BRD3: variants seen among roughly 807,000 people sequenced by gnomAD.
BRD3 encodes the protein bromodomain-containing protein 3.
In BRD3, 17 loss-of-function variants were observed where a neutral mutation model predicts 66.8. The ratio of observed to expected loss-of-function variants is 0.25; its 90% CI spans 0.17 to 0.38. BRD3 has a LOEUF of 0.38. Among genes scored for constraint, BRD3 ranks in the 10% least tolerant of loss-of-function variants. The pLI, the probability that BRD3 is intolerant of heterozygous loss-of-function variation, is 1.00. For missense variants in BRD3, 713 were observed against 956.1 expected (o/e 0.75, Z 3.35); for synonymous variants, 421 against 393.2 (o/e 1.07, Z -0.84).
At position 134,045,821 on chromosome 9, in the gene BRD3, A is replaced by T. The variant is rs1375404399; in HGVS notation, c.1087-400T>A. On this transcript the variant is annotated intron_variant, in intron 6 of 11. Transcript: ENST00000303407. The surrounding 1 kb of genome is among the most constrained non-coding windows in gnomAD (Gnocchi z 4.8). ...CCCAGGGGGCGTGAGGCTGCAGCAA[A>T]GTCAGACTCCACCAACAACAGGGGG... 6.6e-6 allele frequency among the ~76,000 whole-genome samples: 1 copy of T among 152,150 alleles called. No individual in the cohort carries two copies. The highest frequency in any genetic ancestry group is 2.4e-5 in the African/African-American group (1 of 41,432).
rs1281167366 is a variant in BRD3 at position 134,030,926 on chromosome 9, A to C, written c.*2664T>G. The C allele has an allele frequency of 8.6e-6, 2 of 231,590 alleles. No homozygotes were observed. The highest frequency in any genetic ancestry group is 1.7e-5 in the Non-Finnish European group (2 of 117,060). 14.3% of individuals were successfully genotyped at this position (231,590 alleles called of 1,614,324 possible). ...AAAAAAGCATGTTAGAAGCTGCCCT[A>C]CAGGTCTCAGCAGTGGGACAATCTA... On this transcript the variant is annotated 3_prime_UTR_variant, in exon 12 of 12. Transcript: ENST00000303407.
At chr9:134,068,385 G>A (rs1817703832), upstream of BRD3, 1 of 150,108 alleles carries the variant, frequency 6.7e-6, no homozygotes, top group African/African-American at 2.4e-5. Flanking sequence ...CGGCATGGAA[G>A]AAGCGGGCAC....
At position 134,067,976 on chromosome 9, in the gene BRD3, C is replaced by T. The variant is rs1178598226; in HGVS notation, c.-145G>A. The T allele has an allele frequency of 1.4e-5, 2 of 145,472 alleles. No individual in the cohort carries two copies. The highest frequency in any genetic ancestry group is 3.1e-5 in the Non-Finnish European group (2 of 65,392). 9.0% of individuals were successfully genotyped at this position (145,472 alleles called of 1,614,324 possible). A position where few individuals can be genotyped will look rare whatever the true frequency, so the allele number is the denominator to read the frequency against. ...TCGCGGCTCCGGCGGCCGTCCCCTC[C>T]CGGCCCGCGCGGCCGGCTCCTCTTT... On this transcript the variant is annotated 5_prime_UTR_variant, in exon 1 of 12. Coordinates refer to ENST00000303407, the MANE Select transcript of BRD3 (RefSeq NM_007371.4).
intron 1 of BRD3, among the ~76,000 whole-genome samples, chr9:134,067,612 G>A (rs1337000597): frequency 6.8e-6 from 1 of 146,334 alleles, no homozygotes; most frequent in South Asian, 2.1e-4. Context: ...CGGGGCGCGC[G>A]GGCCGCGCCA....
intron 7 of BRD3, among the ~76,000 whole-genome samples, chr9:134,043,010 T>C (rs1004920459): frequency 5.9e-5 from 9 of 152,158 alleles, no homozygotes; most frequent in African/African-American, 2.2e-4. Context: ...CGGCTAACTT[T>C]TTGTATTTTT....
At chr9:134,066,102 C>T (rs760010259) in intron 1 of BRD3, among the ~76,000 whole-genome samples, 9 of 152,184 alleles carry the variant, frequency 5.9e-5, no homozygotes, top group Non-Finnish European at 1.3e-4. Context: ...ACTGCCCACT[C>T]GGAGAAAGCT....
In BRD3 at chr9:134,031,327, G is replaced by C. The variant is rs1333568155; in HGVS notation, c.*2263C>G. ...CCTGTGGCTGGAGGGGCATTGCAAG[G>C]AGCGCCCCCCAGCCCCAGGCACCCC... is the stretch of plus-strand genomic sequence containing the variant. On this transcript the variant is annotated 3_prime_UTR_variant, in exon 12 of 12. Coordinates refer to ENST00000303407, the MANE Select transcript of BRD3 (RefSeq NM_007371.4). 1 of 208,984 alleles carries C rather than the reference G, an allele frequency of 4.8e-6. No homozygotes were observed. The highest frequency in any genetic ancestry group is 9.7e-6 in the Non-Finnish European group (1 of 102,612). The allele number at this position is 208,984 out of a possible 1,614,324, so 12.9% of individuals were successfully genotyped here.
chr9:134,032,214 AT>A lies in BRD3; in HGVS notation c.*1375del, dbSNP rs1193706022. The A allele has an allele frequency of 9.3e-6, 2 of 214,598 alleles. No individual in the cohort carries two copies. Among genetic ancestry groups the A allele is most frequent in the Non-Finnish European group, 1.9e-5 (2 of 106,566 alleles). The allele number at this position is 214,598 out of a possible 1,614,324, so 13.3% of individuals were successfully genotyped here. On this transcript the variant is annotated 3_prime_UTR_variant, in exon 12 of 12. Coordinates refer to ENST00000303407, the MANE Select transcript of BRD3 (RefSeq NM_007371.4). Reference sequence around the variant, plus strand: ...CACCTTCTATTAAACTCTGTATATTATTATTTTTTACAATAGAAAGTTAAAA... The same window carrying A: ...CACCTTCTATTAAACTCTGTATATTATATTTTTTACAATAGAAAGTTAAAA...
In BRD3 at chr9:134,042,644, T is replaced by TACAC. The variant is rs1291806834; in HGVS notation, c.1216-694_1216-693insGTGT. On this transcript the variant is annotated intron_variant, in intron 7 of 11. Coordinates refer to ENST00000303407, the MANE Select transcript of BRD3 (RefSeq NM_007371.4). ...AGAGTGAGACCCTGCCTCAAATATA[T>TACAC]ATACACACACACACACACACACACA... Among the ~76,000 whole-genome samples the TACAC allele has an allele frequency of 1.1e-3, 144 of 128,870 alleles. 1 individual carries two copies. Among genetic ancestry groups the TACAC allele is most frequent in the African/African-American group, 1.5e-3 (51 of 34,010 alleles). 84.5% of individuals were successfully genotyped at this position (128,870 alleles called of 152,430 possible). A position where few individuals can be genotyped will look rare whatever the true frequency, so the allele number is the denominator to read the frequency against.
chr9:134,049,988 C>T (rs1227847474), intron 5 of BRD3, among the ~76,000 whole-genome samples: 4 of 152,154 alleles, frequency 2.6e-5, no homozygotes, highest in Non-Finnish European at 5.9e-5. Context: ...TGGGTGCTGG[C>T]ACCTCACAAC....
intron 3 of BRD3, among the ~76,000 whole-genome samples, 169 bp from the exon 4 acceptor site, chr9:134,051,878 T>TATGTGTGTG (rs372701647): frequency 8.6e-6 from 1 of 116,314 alleles, no homozygotes; most frequent in African/African-American, 3.7e-5. Flanking sequence ...TGTGTGTGTG[T>TATGTGTGTG]TGTTTTTTTT....
intron 1 of BRD3, among the ~76,000 whole-genome samples, chr9:134,060,701 C>T (rs1206488191): frequency 6.6e-6 from 1 of 152,184 alleles, no homozygotes; most frequent in Non-Finnish European, 1.5e-5. Flanking sequence ...CTGACTAGCC[C>T]CCTTCCTGGG....
At position 134,037,277 on chromosome 9, in the gene BRD3, A is replaced by T. The variant is rs1265773949; in HGVS notation, c.1644-953T>A. 2.0e-5 allele frequency among the ~76,000 whole-genome samples: 3 copies of T among 152,306 alleles called. No homozygotes were observed. The East Asian group carries it at 5.8e-4, about 29-fold the overall frequency. On this transcript the variant is annotated intron_variant, in intron 9 of 11. Transcript: ENST00000303407. ...AGAAAAAGGAGTATGTTCAGGAAAA[A>T]AGGACAACGCAGGGCTGGGCGCGGT...
At position 134,035,943 on chromosome 9, in the gene BRD3, G is replaced by A. The variant is rs564667583; in HGVS notation, c.1936+89C>T. 1.3e-3 allele frequency: 1,953 copies of A among 1,488,092 alleles called. 3 individuals carry two copies. The highest frequency in any genetic ancestry group is 1.5e-3 in the Non-Finnish European group (1,674 of 1,112,100). The allele number at this position is 1,488,092 out of a possible 1,614,324, so 92.2% of individuals were successfully genotyped here. On this transcript the variant is annotated intron_variant, in intron 10 of 11. Coordinates refer to ENST00000303407, the MANE Select transcript of BRD3 (RefSeq NM_007371.4). ...GCGTGGCAGCCCTGTGCCCAAGCTC[G>A]CCGCACAGGGTCCGTGAGGAGTGAC...
rs377621006 is a variant in BRD3 at position 134,048,505 on chromosome 9, C to T, written c.715-51G>A. On this transcript the variant is annotated intron_variant, in intron 5 of 11. Transcript: ENST00000303407. ...CCCCGGAAACCAGGGGCCCCGAAGACGCATGTCGCTGCAGCCGCGTTTCTG... is the reference window on the plus strand; with the variant it reads ...CCCCGGAAACCAGGGGCCCCGAAGATGCATGTCGCTGCAGCCGCGTTTCTG... 5.4e-5 allele frequency: 86 copies of T among 1,594,202 alleles called. 1 individual carries two copies. The South Asian group carries it at 8.4e-4, about 16-fold the overall frequency.
Position 134,031,922 on chromosome 9 carries a change from C to T in BRD3, c.*1668G>A, listed in dbSNP as rs114433245. ...CATTTCCGGACTAACTGTGACAACG[C>T]GTGAGCAGGGAGCACCGTGCGAGTC... On this transcript the variant is annotated 3_prime_UTR_variant, in exon 12 of 12. Transcript: ENST00000303407. 2,732 of 218,964 alleles carry T rather than the reference C, an allele frequency of 0.012. 65 individuals are homozygous for T. Among genetic ancestry groups the T allele is most frequent in the African/African-American group, 0.055 (2,442 of 44,530 alleles). 13.6% of individuals were successfully genotyped at this position (218,964 alleles called of 1,614,324 possible).
rs1830298476 is a variant in BRD3, at chr9:134,051,634, C to T, written c.427G>A (p.Glu143Lys). The T allele has an allele frequency of 1.3e-6, 2 of 1,589,600 alleles. No individual in the cohort carries two copies. The highest frequency in any genetic ancestry group is 2.3e-5 in the East Asian group (1 of 43,230). ...GCAGGGGGTAATAATTCAACTTCCT[C>T]TTGGGGCATCTGGGCCACTTTTTGT... ...FLQKVAQMPQEEVELLPPAPK... is the reference protein window; with the variant it reads ...FLQKVAQMPQKEVELLPPAPK... The change falls in exon 4 of 12, where the codon GAG becomes AAG. Residue 143 changes from glutamate (E) to lysine (K), a missense_variant. Glu to Lys is a moderately conservative substitution (Grantham distance 56). Around this residue, in one of 5 missense-constraint regions of BRD3, gnomAD observed 85 missense variants for 152.4 expected, o/e 0.56. Transcript: ENST00000303407.
intron 1 of BRD3, chr9:134,056,927 C>T (rs987962943): frequency 2.0e-5 from 3 of 152,322 alleles, no homozygotes; most frequent in African/African-American, 7.2e-5. Flanking sequence ...CAGCCAGGGC[C>T]TGGCTCTGCC....
Position 134,034,839 on chromosome 9 carries a change from A to C in BRD3, c.1937-10T>G. 1 of 1,610,862 alleles carries C rather than the reference A, an allele frequency of 6.2e-7. No homozygotes were observed. Among genetic ancestry groups the C allele is most frequent in the Non-Finnish European group, 8.5e-7 (1 of 1,179,980 alleles). ...TTCTTCCCGCTTGCTGCTGTCGGGG[A>C]ACAAATGGGCACTCAGACTGCAGAG... On this transcript the variant is annotated splice_polypyrimidine_tract_variant and intron_variant, in intron 10 of 11. Coordinates refer to ENST00000303407, the MANE Select transcript of BRD3 (RefSeq NM_007371.4).
Sources: allele counts gnomAD v4.1 joint callset (sites outside exome capture counted in the v4.1 genomes callset), GRCh38; gene constraint gnomAD v4.1.1; regional missense constraint gnomAD v4.1.1; non-coding constraint Gnocchi (gnomAD v3.1); transcripts MANE v1.5; gene names NCBI Gene and HGNC (gene_info 2026-07-23, HGNC 2026-07-21).